CTNND2: variants seen among roughly 807,000 people sequenced by gnomAD.
The protein encoded by CTNND2 is catenin delta-2.
A neutral mutation model predicts 144.4 loss-of-function variants in CTNND2; 22 were observed. The ratio of observed to expected loss-of-function variants is 0.15; its 90% CI spans 0.11 to 0.22. The LOEUF is 0.22. Ranked by LOEUF, CTNND2 falls within the 10% of genes least tolerant of loss-of-function variation. CTNND2 has a pLI of 1.00. For missense variants in CTNND2, 1,353 were observed against 1,618.8 expected (o/e 0.84, Z 2.82); for synonymous variants, 751 against 695.6 (o/e 1.08, Z -1.25).
intron 2 of CTNND2, among the ~76,000 whole-genome samples, chr5:11,712,909 C>T (rs1786114832): frequency 6.6e-6 from 1 of 152,120 alleles, no homozygotes; most frequent in African/African-American, 2.4e-5. Flanking sequence ...TGATACTGAA[C>T]AGCAGCACAC....
chr5:11,832,138 G>T (rs28848920), intron 1 of CTNND2, among the ~76,000 whole-genome samples: 1 of 151,982 alleles, frequency 6.6e-6, no homozygotes, highest in Non-Finnish European at 1.5e-5. Context: ...CAAAAAATTA[G>T]CCGGGCATGG....
At chr5:11,518,718 G>T (rs1461023684) in intron 3 of CTNND2, among the ~76,000 whole-genome samples, 2 of 152,012 alleles carry the variant, frequency 1.3e-5, no homozygotes, top group Non-Finnish European at 2.9e-5. Context: ...TGTTACAACT[G>T]CCTACAGTAT....
intron 11 of CTNND2, among the ~76,000 whole-genome samples, chr5:11,168,292 C>A (rs2149782618): frequency 6.6e-6 from 1 of 152,222 alleles, no homozygotes; most frequent in Admixed American, 6.5e-5. Context: ...AAACTGGATG[C>A]CTATCTGCAA....
chr5:11,606,100 G>T (rs181001598), intron 2 of CTNND2, among the ~76,000 whole-genome samples: 1 of 152,110 alleles, frequency 6.6e-6, no homozygotes, highest in South Asian at 2.1e-4. Flanking sequence ...AAAGATGGAG[G>T]AATGAAGCCA....
At chr5:11,852,318 C>T (rs557825088) in intron 1 of CTNND2, among the ~76,000 whole-genome samples, 10 of 152,180 alleles carry the variant, frequency 6.6e-5, no homozygotes, top group South Asian at 2.1e-4. Context: ...AAAAAAAAAT[C>T]CACAATCCTT....
chr5:11,352,950 T>C (rs898422866), intron 8 of CTNND2, among the ~76,000 whole-genome samples: 9 of 152,162 alleles, frequency 5.9e-5, no homozygotes, highest in Middle Eastern at 3.2e-3. Flanking sequence ...TACATATGTA[T>C]GTATTTATAT....
chr5:11,411,167 C>T (rs939895299), intron 5 of CTNND2, among the ~76,000 whole-genome samples: 24 of 151,970 alleles, frequency 1.6e-4, no homozygotes, highest in Admixed American at 6.6e-5. Context: ...CCACCGCGCC[C>T]GGCCAGCATT....
At chr5:11,659,521 C>T (rs776326219) in intron 2 of CTNND2, among the ~76,000 whole-genome samples, 2 of 152,104 alleles carry the variant, frequency 1.3e-5, no homozygotes, top group Non-Finnish European at 2.9e-5. Context: ...TTAGCATGCA[C>T]ATTGATGCAA....
chr5:11,746,054 G>A (rs1485319993), intron 1 of CTNND2, among the ~76,000 whole-genome samples: 1 of 152,090 alleles, frequency 6.6e-6, no homozygotes, highest in Non-Finnish European at 1.5e-5. Flanking sequence ...GATAGAGTTC[G>A]ATCTGCTTTG....
intron 16 of CTNND2, among the ~76,000 whole-genome samples, chr5:11,058,619 C>A (rs1325143909): frequency 1.3e-5 from 2 of 152,210 alleles, no homozygotes; most frequent in African/African-American, 2.4e-5. Flanking sequence ...CACACAGAGT[C>A]CCTACTGGGG....
rs569700962 is a variant in CTNND2, at chr5:10,987,263, C to T, written c.3343+848G>A. ...TGAGGTATGGAGAGCTTGGAGGGGG[C>T]TGTGAGTGCCTCAACAGAAGCATAT... On this transcript the variant is annotated intron_variant, in intron 20 of 21. Transcript: ENST00000304623. Among the ~76,000 whole-genome samples, 17 of 152,312 alleles carry T rather than the reference C, an allele frequency of 1.1e-4. No individual in the cohort carries two copies. The East Asian group carries it at 3.3e-3, about 29-fold the overall frequency.
At chr5:11,229,725 T>TATAC (rs1740789499) in intron 10 of CTNND2, among the ~76,000 whole-genome samples, 1 of 151,774 alleles carries the variant, frequency 6.6e-6, no homozygotes, top group Non-Finnish European at 1.5e-5. Context: ...TATACAACTG[T>TATAC]GTATATATAC....
intron 8 of CTNND2, among the ~76,000 whole-genome samples, chr5:11,360,840 G>A (rs1241061853): frequency 2.0e-5 from 3 of 152,082 alleles, no homozygotes; most frequent in African/African-American, 4.8e-5. Context: ...CTTTGAATCC[G>A]CCAGTACATC....
At chr5:11,869,580 A>C (rs1795930217) in intron 1 of CTNND2, among the ~76,000 whole-genome samples, 1 of 152,230 alleles carries the variant, frequency 6.6e-6, no homozygotes, top group Non-Finnish European at 1.5e-5. Flanking sequence ...AAGAATGGAA[A>C]GATGGAGAAT....
At chr5:11,714,678 G>A (rs1786249989) in intron 2 of CTNND2, among the ~76,000 whole-genome samples, 2 of 151,946 alleles carry the variant, frequency 1.3e-5, no homozygotes, top group Admixed American at 6.6e-5. Flanking sequence ...AGGCCGAGGC[G>A]GGCGGATCAA....
chr5:11,740,886 A>G (rs1196102960), intron 1 of CTNND2, among the ~76,000 whole-genome samples: 1 of 152,144 alleles, frequency 6.6e-6, no homozygotes, highest in Non-Finnish European at 1.5e-5. Context: ...GACACTTCTT[A>G]CAGGCACTTT....
intron 1 of CTNND2, among the ~76,000 whole-genome samples, chr5:11,861,284 C>T (rs180680022): frequency 6.6e-6 from 1 of 152,276 alleles, no homozygotes; most frequent in East Asian, 1.9e-4. Context: ...TAAACCTCTG[C>T]CACATGACAC....
intron 1 of CTNND2, among the ~76,000 whole-genome samples, chr5:11,854,125 G>A (rs997828024): frequency 9.2e-5 from 14 of 152,144 alleles, no homozygotes; most frequent in East Asian, 1.9e-4. Flanking sequence ...CCCAAAGCAC[G>A]TTCAGCACAC....
Position 11,420,883 on chromosome 5 carries a change from G to C in CTNND2, c.288-8814C>G, listed in dbSNP as rs1762312484. Among the ~76,000 whole-genome samples, 3 of 152,116 alleles carry C rather than the reference G, an allele frequency of 2.0e-5. 1 individual carries two copies. The highest frequency in any genetic ancestry group is 4.2e-4 in the South Asian group (2 of 4,812). ...ACAGGCTACAATGGATATAGCTACA[G>C]AATCTCAAAGCCTGGTATATCTTGA... On this transcript the variant is annotated intron_variant, in intron 3 of 21. Coordinates refer to ENST00000304623, the MANE Select transcript of CTNND2 (RefSeq NM_001332.4).
Sources: allele counts gnomAD v4.1 joint callset (sites outside exome capture counted in the v4.1 genomes callset), GRCh38; gene constraint gnomAD v4.1.1; transcripts MANE v1.5; gene names NCBI Gene and HGNC (gene_info 2026-07-23, HGNC 2026-07-21).